Variants in MCUR1 observed in about 807,000 individuals in gnomAD.
MCUR1 encodes MCU regulator 1.
Under a neutral mutation model 42.0 loss-of-function variants are expected in MCUR1, and 37 were observed. The observed-to-expected ratio is 0.88, with a 90% CI of 0.68 to 1.16. The LOEUF (loss-of-function observed/expected upper bound fraction) is 1.16, where lower values mean the gene tolerates loss of function less well. MCUR1 is among the 50% of genes most tolerant of loss of function. The pLI, the probability that MCUR1 is intolerant of heterozygous loss-of-function variation, is 0.00. For missense variants in MCUR1, 469 were observed against 468.4 expected, an observed-to-expected ratio of 1.00 and a Z score of -0.01; for synonymous variants, 229 against 196.2, an observed-to-expected ratio of 1.17 and a Z score of -1.40.
chr6:13,796,292 T>C (rs1179596208), intron 6 of MCUR1, among the ~76,000 whole-genome samples: 1 of 100,656 alleles, frequency 9.9e-6, no homozygotes, highest in Non-Finnish European at 1.8e-5. Context: ...TTTTCTTTTC[T>C]TTTTTTTTTT....
intron 7 of MCUR1, among the ~76,000 whole-genome samples, chr6:13,792,462 C>T (rs370058841): frequency 2.0e-5 from 3 of 152,236 alleles, no homozygotes; most frequent in South Asian, 2.1e-4. Context: ...AATGTGAAAG[C>T]GGCAGTGCTT....
intron 6 of MCUR1, among the ~76,000 whole-genome samples, chr6:13,797,073 C>T (rs932700932): frequency 1.7e-4 from 26 of 152,148 alleles, no homozygotes; most frequent in African/African-American, 6.0e-4. Context: ...TTTTGTATAA[C>T]GAAGCTTGGA....
At chr6:13,801,860 C>A (rs941550140) in intron 3 of MCUR1, among the ~76,000 whole-genome samples, 1 of 151,820 alleles carries the variant, frequency 6.6e-6, no homozygotes, top group East Asian at 1.9e-4. Flanking sequence ...CTCAAAAAGA[C>A]CCCCCCAAAA....
intron 6 of MCUR1, among the ~76,000 whole-genome samples, chr6:13,797,702 C>T (rs138710450): frequency 0.069 from 10,212 of 147,980 alleles, 380 homozygotes; most frequent in Middle Eastern, 0.1. Context: ...AGCGAGACTC[C>T]GCCTCAAACA....
At chr6:13,800,694 T>C (rs1759971065) in intron 4 of MCUR1, among the ~76,000 whole-genome samples, 1 of 152,188 alleles carries the variant, frequency 6.6e-6, no homozygotes, top group African/African-American at 2.4e-5. Context: ...AAGAACAACC[T>C]AGAGAGTCTG....
chr6:13,814,267 G>C lies in MCUR1; in HGVS notation c.163C>G (p.Arg55Gly), dbSNP rs990863863. The C allele has an allele frequency of 4.7e-6, 7 of 1,477,328 alleles. No individual in the cohort carries two copies. The highest frequency in any genetic ancestry group is 8.9e-7 in the Non-Finnish European group (1 of 1,121,660). 91.5% of individuals were successfully genotyped at this position (1,477,328 alleles called of 1,614,324 possible). Residue 55 changes from arginine (R) to glycine (G), a missense_variant, in exon 1 of 9, where the codon CGC (arginine) becomes GGC (glycine). Physicochemically the swap from Arg to Gly is moderately radical, Grantham distance 125 (BLOSUM62 -2). Coordinates refer to ENST00000379170, the MANE Select transcript of MCUR1 (RefSeq NM_001031713.4). ...LSDGLGALRP[R>G]APAARGGVSR... ...ACGCCGCCGCGGGCCGCCGGGGCGCGAGGGCGCAGCGCCCCCAGACCGTCG... is the reference window on the plus strand; with the variant it reads ...ACGCCGCCGCGGGCCGCCGGGGCGCCAGGGCGCAGCGCCCCCAGACCGTCG...
At chr6:13,804,212 A>T (rs534227962) in intron 2 of MCUR1, 1 of 200,998 alleles carries the variant, frequency 5.0e-6, no homozygotes. Context: ...AATCCCAGCT[A>T]CTCAGGAGGA....
chr6:13,800,233 A>G, intron 5 of MCUR1, 108 bp downstream of exon 5: 1 of 755,046 alleles, frequency 1.3e-6, no homozygotes, highest in African/African-American at 1.8e-5. Flanking sequence ...TATTACACAA[A>G]CATTTCACAA....
intron 5 of MCUR1, 52 bp downstream of exon 5, chr6:13,800,289 A>G: frequency 8.3e-7 from 1 of 1,211,018 alleles, no homozygotes; most frequent in Non-Finnish European, 1.2e-6. Flanking sequence ...TATACTTATT[A>G]ATAAGTTTAT....
rs758636957 is a variant in MCUR1 at position 13,793,961 on chromosome 6, G to GT, written c.856-15dup. The stretch of plus-strand genomic sequence containing the variant: ...GTTCAATGAATACTGAAATAAACAC[G>GT]TAACATGGGTCAGATTCTGATCTAC... On this transcript the variant is annotated splice_polypyrimidine_tract_variant and intron_variant, in intron 6 of 8. Transcript: ENST00000379170. 4 of 1,612,218 alleles carry GT rather than the reference G, an allele frequency of 2.5e-6. No individual in the cohort carries two copies. The Admixed American group carries it at 6.7e-5, about 27-fold the overall frequency.
chr6:13,805,012 C>T (rs1412331647), intron 2 of MCUR1, among the ~76,000 whole-genome samples: 1 of 152,134 alleles, frequency 6.6e-6, no homozygotes, highest in Non-Finnish European at 1.5e-5. Flanking sequence ...TCATCTCAGA[C>T]ACCCCCAACT....
intron 5 of MCUR1, 124 bp from the exon 6 acceptor site, chr6:13,799,028 G>A: frequency 1.6e-6 from 1 of 623,702 alleles, no homozygotes; most frequent in Admixed American, 2.9e-5. Context: ...CCCAGGGAGG[G>A]AGAGAGCCAG....
At position 13,791,963 on chromosome 6, in the gene MCUR1, C is replaced by T; in HGVS notation, c.939G>A (p.Gln313=). 1 of 1,614,000 alleles carries T rather than the reference C, an allele frequency of 6.2e-7. No homozygotes were observed. Among genetic ancestry groups the T allele is most frequent in the Non-Finnish European group, 8.5e-7 (1 of 1,179,990 alleles). The change falls in exon 8 of 9, where the codon CAG becomes CAA. Residue 313 remains glutamine (Q), a synonymous_variant. Transcript: ENST00000379170. The part of the protein sequence containing the change: ...LHAQQDRALT[Q]TDRKIETEVA... Reference sequence around the variant, plus strand: ...CCTCAGTTTCGATCTTCCTGTCTGTCTGGGTAAGGGCCCGATCTTGCTGGG... The same window carrying T: ...CCTCAGTTTCGATCTTCCTGTCTGTTTGGGTAAGGGCCCGATCTTGCTGGG...
chr6:13,814,269 G>A lies in MCUR1; in HGVS notation c.161C>T (p.Pro54Leu). 1 of 1,477,556 alleles carries A rather than the reference G, an allele frequency of 6.8e-7. No individual in the cohort carries two copies. Among genetic ancestry groups the A allele is most frequent in the East Asian group, 3.0e-5 (1 of 33,668 alleles). The allele number at this position is 1,477,556 out of a possible 1,614,324, so 91.5% of individuals were successfully genotyped here. The change falls in exon 1 of 9, where the codon CCT becomes CTT. Residue 54 changes from proline to leucine, a missense_variant. Physicochemically the swap from Pro to Leu is moderately conservative, Grantham distance 98. Coordinates refer to ENST00000379170, the MANE Select transcript of MCUR1 (RefSeq NM_001031713.4). ...GCCGCCGCGGGCCGCCGGGGCGCGA[G>A]GGCGCAGCGCCCCCAGACCGTCGGA... ...ALSDGLGALR[P>L]RAPAARGGVS...
intron 1 of MCUR1, among the ~76,000 whole-genome samples, chr6:13,807,735 CCTT>C (rs1184387186): frequency 6.6e-6 from 1 of 152,208 alleles, no homozygotes; most frequent in Non-Finnish European, 1.5e-5. Context: ...ATTTTACACT[CCTT>C]CTAGCAGCGC....
intron 4 of MCUR1, among the ~76,000 whole-genome samples, chr6:13,800,687 A>G (rs141619862): frequency 1.2e-4 from 18 of 152,336 alleles, no homozygotes; most frequent in African/African-American, 4.3e-4. Context: ...TGATTTCAAG[A>G]ACAACCTAGA....
At chr6:13,813,778 C>T (rs1359783247) in intron 1 of MCUR1, among the ~76,000 whole-genome samples, 1 of 152,194 alleles carries the variant, frequency 6.6e-6, no homozygotes, top group African/African-American at 2.4e-5. Flanking sequence ...GCACCTCCCT[C>T]CAACTTTAGC....
chr6:13,798,999 C>T lies in MCUR1; in HGVS notation c.784-95G>A, dbSNP rs543910868. 78 of 742,062 alleles carry T rather than the reference C, an allele frequency of 1.1e-4. No individual in the cohort carries two copies. The Admixed American group carries it at 1.6e-3, about 16-fold the overall frequency. The allele number at this position is 742,062 out of a possible 1,614,324, so 46.0% of individuals were successfully genotyped here. A position where few individuals can be genotyped will look rare whatever the true frequency, so the allele number is the denominator to read the frequency against. On this transcript the variant is annotated intron_variant, in intron 5 of 8. Transcript: ENST00000379170. ...CACTGGGACCACTGCCCCCACTGTC[C>T]CTATCCTAGGCGAGGCAACCCAGGG...
intron 4 of MCUR1, among the ~76,000 whole-genome samples, chr6:13,800,920 G>A (rs1040235088): frequency 5.9e-5 from 9 of 152,080 alleles, no homozygotes; most frequent in East Asian, 1.9e-4. Flanking sequence ...CCAAAAACTG[G>A]AAACAATTCT....
Sources: allele counts gnomAD v4.1 joint callset (sites outside exome capture counted in the v4.1 genomes callset), GRCh38; gene constraint gnomAD v4.1.1; transcripts MANE v1.5; gene names NCBI Gene and HGNC (gene_info 2026-07-23, HGNC 2026-07-21).